The following JAK2 variants were observed in gnomAD, a reference collection of about 807,000 sequenced individuals.
JAK2 encodes tyrosine-protein kinase JAK2.
Under a neutral mutation model 139.3 loss-of-function variants are expected in JAK2, and 86 were observed. That is an observed-to-expected ratio of 0.62 (90% CI 0.52 to 0.74). JAK2 has a LOEUF of 0.74. Among genes scored for constraint, JAK2 ranks in the 30% least tolerant of loss-of-function variants. The pLI is 0.00. For missense variants in JAK2, 1,421 were observed against 1,360.3 expected (o/e 1.04, Z -0.70); for synonymous variants, 490 against 437.7 (o/e 1.12, Z -1.49).
chr9:5,067,590 A>G (rs1818655655), intron 10 of JAK2, among the ~76,000 whole-genome samples: 1 of 152,048 alleles, frequency 6.6e-6, no homozygotes, highest in Non-Finnish European at 1.5e-5. Context: ...AATCTATCCT[A>G]ATTTCAAAGT....
At chr9:4,984,735 G>C (rs1281236997), upstream of JAK2, 2 of 152,420 alleles carry the variant, frequency 1.3e-5, no homozygotes, top group Admixed American at 6.5e-5. Context: ...GCCTCCTCCA[G>C]TGCAGGCTGC....
At chr9:5,077,634 A>T in intron 15 of JAK2, 54 bp downstream of exon 15, 1 of 1,142,120 alleles carries the variant, frequency 8.8e-7, no homozygotes, top group Non-Finnish European at 1.2e-6. Flanking sequence ...ATAAAACAAT[A>T]TACAAATTAT....
chr9:5,068,084 C>T (rs369804743), intron 10 of JAK2, among the ~76,000 whole-genome samples: 3 of 150,884 alleles, frequency 2.0e-5, no homozygotes, highest in East Asian at 3.9e-4. Flanking sequence ...CGCTTGAACC[C>T]GGGAGGTGGA....
chr9:5,086,285 G>A (rs1367531132), intron 19 of JAK2, among the ~76,000 whole-genome samples: 2 of 152,154 alleles, frequency 1.3e-5, no homozygotes, highest in East Asian at 1.9e-4. Flanking sequence ...CTCCTGCCAG[G>A]ACCTGGAGCC....
intron 3 of JAK2, among the ~76,000 whole-genome samples, chr9:5,026,106 C>T (rs1333667626): frequency 1.3e-5 from 2 of 152,142 alleles, no homozygotes; most frequent in Non-Finnish European, 2.9e-5. Context: ...ATGTCCATCT[C>T]TAACCTTTCT....
intron 5 of JAK2, among the ~76,000 whole-genome samples, chr9:5,046,500 TTC>T (rs993924839): frequency 2.0e-5 from 3 of 152,182 alleles, no homozygotes; most frequent in Middle Eastern, 3.2e-3. Context: ...GAACCTTTCT[TTC>T]TGTTTTCTTG....
chr9:5,055,172 C>CT (rs779893676), intron 7 of JAK2, among the ~76,000 whole-genome samples: 19 of 152,024 alleles, frequency 1.2e-4, no homozygotes, highest in South Asian at 1.0e-3. Flanking sequence ...CCTTTCACTA[C>CT]TAGTGATAAC....
intron 3 of JAK2, 142 bp from the exon 4 acceptor site, chr9:5,029,641 G>A: frequency 3.2e-6 from 2 of 621,362 alleles, no homozygotes. Flanking sequence ...GTAGGGGTTG[G>A]TATATCAAAA....
chr9:5,077,762 T>C (rs1347289350), intron 15 of JAK2, among the ~76,000 whole-genome samples, 182 bp downstream of exon 15: 2 of 152,196 alleles, frequency 1.3e-5, no homozygotes, highest in African/African-American at 2.4e-5. Context: ...AAAATCACTT[T>C]TGAAAAAAAA....
chr9:5,056,879 C>G (rs1057027431), intron 8 of JAK2, among the ~76,000 whole-genome samples: 3 of 152,134 alleles, frequency 2.0e-5, no homozygotes, highest in African/African-American at 7.2e-5. Context: ...AAGTAACTTT[C>G]CAAGGGCACA....
intron 2 of JAK2, among the ~76,000 whole-genome samples, chr9:4,999,699 T>C (rs1184062822): frequency 6.6e-6 from 1 of 152,222 alleles, no homozygotes; most frequent in East Asian, 1.9e-4. Flanking sequence ...TCCACCCATC[T>C]TGGCCTCCCA....
chr9:5,104,845 A>G (rs999286061), intron 22 of JAK2, among the ~76,000 whole-genome samples: 2 of 152,246 alleles, frequency 1.3e-5, no homozygotes, highest in African/African-American at 4.8e-5. Context: ...AAGGTCTTTG[A>G]CAAAATTCTA....
Position 5,127,706 on chromosome 9 carries a change from C to T in JAK2, c.*915C>T, listed in dbSNP as rs73639266. On this transcript the variant is annotated 3_prime_UTR_variant, in exon 25 of 25. Transcript: ENST00000381652. ...TTCTTCGATCTCTGGGATTTATGCTCATGAACTAAATTTAAGCTTAAGCCA... is the reference window on the plus strand; with the variant it reads ...TTCTTCGATCTCTGGGATTTATGCTTATGAACTAAATTTAAGCTTAAGCCA... The T allele has an allele frequency of 1.9e-3, 449 of 232,322 alleles. 4 individuals carry two copies. The highest frequency in any genetic ancestry group is 8.9e-3 in the African/African-American group (405 of 45,338). The allele number at this position is 232,322 out of a possible 1,614,324, so 14.4% of individuals were successfully genotyped here. A position where few individuals can be genotyped will look rare whatever the true frequency, so the allele number is the denominator to read the frequency against.
intron 3 of JAK2, among the ~76,000 whole-genome samples, chr9:5,028,941 CTT>C (rs1248413728): frequency 2.0e-5 from 3 of 152,224 alleles, no homozygotes; most frequent in Non-Finnish European, 2.9e-5. Flanking sequence ...GTTTTGCTCT[CTT>C]ATCATTTATG....
chr9:5,005,334 G>A (rs1332301625), intron 2 of JAK2, among the ~76,000 whole-genome samples: 1 of 151,400 alleles, frequency 6.6e-6, no homozygotes, highest in Non-Finnish European at 1.5e-5. Flanking sequence ...TGAGTTGTTT[G>A]CATTTCTTAT....
chr9:5,113,345 G>C (rs1310304239), intron 22 of JAK2, among the ~76,000 whole-genome samples: 2 of 149,230 alleles, frequency 1.3e-5, no homozygotes, highest in Non-Finnish European at 3.0e-5. Flanking sequence ...TGGAAACTTG[G>C]CTTATTCTTC....
rs896594503 is a variant in JAK2 at position 5,127,809 on chromosome 9, CTG to C, written c.*1020_*1021del. On this transcript the variant is annotated 3_prime_UTR_variant, in exon 25 of 25. Coordinates refer to ENST00000381652, the MANE Select transcript of JAK2 (RefSeq NM_004972.4). ...CAGGTTAAGAATTTTTTCCTAAAGA[CTG>C]TATATTTGAGGGGTTTCAGAATTTT... The C allele has an allele frequency of 1.1e-4, 26 of 232,452 alleles. No individual in the cohort carries two copies. The highest frequency in any genetic ancestry group is 5.5e-4 in the African/African-American group (25 of 45,346). 14.4% of individuals were successfully genotyped at this position (232,452 alleles called of 1,614,324 possible).
intron 4 of JAK2, among the ~76,000 whole-genome samples, chr9:5,035,057 C>CTA (rs1823474216): frequency 6.6e-6 from 1 of 152,170 alleles, no homozygotes; most frequent in African/African-American, 2.4e-5. Flanking sequence ...GGGATATCAA[C>CTA]CCGATCCCAC....
At chr9:5,008,504 A>T (rs1821470372) in intron 2 of JAK2, among the ~76,000 whole-genome samples, 1 of 152,212 alleles carries the variant, frequency 6.6e-6, no homozygotes, top group South Asian at 2.1e-4. Flanking sequence ...AAATGTTCTA[A>T]AGAAATATAA....
Sources: gnomAD v4.1 joint callset for allele counts (sites outside exome capture counted in the v4.1 genomes callset) on GRCh38, gnomAD v4.1.1 for gene constraint, MANE v1.5 for transcripts, NCBI Gene and HGNC (gene_info 2026-07-23, HGNC 2026-07-21) for gene names.